The following ARHGDIA variants were observed in gnomAD, a reference collection of about 807,000 sequenced individuals.
ARHGDIA encodes the protein rho GDP-dissociation inhibitor 1.
In ARHGDIA, 9 loss-of-function variants were observed where a neutral mutation model predicts 25.0. That is an observed-to-expected ratio of 0.36 (90% CI 0.22 to 0.63). The LOEUF (loss-of-function observed/expected upper bound fraction) is 0.63. Ranked by LOEUF, ARHGDIA falls within the 20% of genes least tolerant of loss-of-function variation. The pLI, the probability that ARHGDIA is intolerant of heterozygous loss-of-function variation, is 0.69. For synonymous variants in ARHGDIA, 166 were observed against 111.5 expected (o/e 1.49, Z -3.08); for missense variants, 239 against 264.3 (o/e 0.90, Z 0.66).
rs756887960 is a variant in ARHGDIA, at chr17:81,868,912, C to G, written c.579G>C (p.Glu193Asp). Reference protein sequence around the residue: ...DDDKTDHLSWEWNLTIKKDWK... With the variant: ...DDDKTDHLSWDWNLTIKKDWK... ...AGTCCTTCTTGATGGTGAGATTCCA[C>G]TCCCAGGACAGGTGGTCGGTCTTGT... Residue 193 changes from glutamate to aspartate, a missense_variant, in exon 6 of 6, where the codon GAG (glutamate) becomes GAC (aspartate). Physicochemically the swap from Glu to Asp is conservative, Grantham distance 45. Transcript: ENST00000269321. 4.6e-5 allele frequency: 74 copies of G among 1,613,768 alleles called. No individual in the cohort carries two copies. Among genetic ancestry groups the G allele is most frequent in the Non-Finnish European group, 1.4e-5 (16 of 1,179,946 alleles).
At chr17:81,870,416 G>T (rs34829162) in intron 1 of ARHGDIA, among the ~76,000 whole-genome samples, 29,336 of 152,164 alleles carry the variant, frequency 0.19, 2,987 homozygotes, top group African/African-American at 0.23. Flanking sequence ...GTGTGTGGTC[G>T]GCTCAGCGTC....
intron 1 of ARHGDIA, chr17:81,870,751 C>T (rs1891096801): frequency 6.6e-6 from 1 of 152,210 alleles, no homozygotes; most frequent in Non-Finnish European, 1.5e-5. Flanking sequence ...CCTCCAGGGG[C>T]TGGGGCCTCC....
Position 81,868,834 on chromosome 17 carries a change from G to A in ARHGDIA, c.*42C>T, listed in dbSNP as rs567655758. The A allele has an allele frequency of 1.1e-5, 18 of 1,612,086 alleles. 1 individual carries two copies. The highest frequency in any genetic ancestry group is 3.3e-5 in the South Asian group (3 of 90,562). On this transcript the variant is annotated 3_prime_UTR_variant, in exon 6 of 6. Transcript: ENST00000269321. ...CTGGGGGGGACACATCCGCCTGTCC[G>A]TCGTCCGTCCGTCAGTCTGCCCTGC...
rs1055384334 is a variant in ARHGDIA at position 81,869,175 on chromosome 17, T to C, written c.413A>G (p.Lys138Arg). The change falls in exon 5 of 6, where the codon AAG becomes AGG. Residue 138 changes from lysine (K) to arginine (R), a missense_variant and splice_region_variant. Physicochemically the swap from Lys to Arg is conservative, Grantham distance 26. This residue lies in a region of ARHGDIA where 75 missense variants were observed against 122.4 expected (regional missense o/e 0.61). Transcript: ENST00000269321. ...YIQHTYRKGV[K>R]IDKTDYMVGS... is the part of the protein sequence containing the mutation. ...GCCCTGCCCGGGGCCCCACTCACTC[T>C]TGACGCCTTTCCTGTACGTATGCTG... 6.8e-6 allele frequency: 11 copies of C among 1,613,730 alleles called. No individual in the cohort carries two copies. The highest frequency in any genetic ancestry group is 5.3e-5 in the African/African-American group (4 of 74,938).
Position 81,869,587 on chromosome 17 carries a change from G to A in ARHGDIA, c.229C>T (p.Leu77=), listed in dbSNP as rs1004492781. 3 of 1,532,050 alleles carry A rather than the reference G, an allele frequency of 2.0e-6. No homozygotes were observed. Among genetic ancestry groups the A allele is most frequent in the African/African-American group, 2.8e-5 (2 of 72,546 alleles). 94.9% of individuals were successfully genotyped at this position (1,532,050 alleles called of 1,614,324 possible). Reference sequence around the variant, plus strand: ...GGGCCCGGGGCCGAGCTGCACACCAGGGTCAGGCCAGTCACCACGACGTTG... The same window carrying A: ...GGGCCCGGGGCCGAGCTGCACACCAAGGTCAGGCCAGTCACCACGACGTTG... The part of the protein sequence containing the change: ...VPNVVVTGLT[L]VCSSAPGPLE... The change falls in exon 3 of 6, where the codon CTG becomes TTG. Residue 77 remains leucine (L), a synonymous_variant. Transcript: ENST00000269321.
Position 81,869,156 on chromosome 17 carries a change from C to A in ARHGDIA, c.415+17G>T, listed in dbSNP as rs544853396. 15 of 1,613,812 alleles carry A rather than the reference C, an allele frequency of 9.3e-6. No individual in the cohort carries two copies. In the South Asian group the frequency reaches 9.9e-5, roughly 11 times the overall value. On this transcript the variant is annotated intron_variant, in intron 5 of 5. Transcript: ENST00000269321. ...CACCCAAGCGGCCCCCTCTGCCCTG[C>A]CCGGGGCCCCACTCACTCTTGACGC...
In ARHGDIA at chr17:81,868,548, C is replaced by T. The variant is rs758009792; in HGVS notation, c.*328G>A. 6.5e-7 allele frequency: 1 copy of T among 1,534,444 alleles called. No individual in the cohort carries two copies. The highest frequency in any genetic ancestry group is 1.2e-5 in the South Asian group (1 of 83,930). ...TGGAGAATGGCTGCTCCGCTCCCTC[C>T]TGAAGCCAGGCCTCGGGTGTGACGG... On this transcript the variant is annotated 3_prime_UTR_variant, in exon 6 of 6. Coordinates refer to ENST00000269321, the MANE Select transcript of ARHGDIA (RefSeq NM_004309.6).
Position 81,869,942 on chromosome 17 carries a change from G to C in ARHGDIA, c.-12C>G, listed in dbSNP as rs773292064. 1 of 1,611,936 alleles carries C rather than the reference G, an allele frequency of 6.2e-7. No individual in the cohort carries two copies. The highest frequency in any genetic ancestry group is 8.5e-7 in the Non-Finnish European group (1 of 1,179,936). On this transcript the variant is annotated 5_prime_UTR_variant, in exon 2 of 6. Coordinates refer to ENST00000269321, the MANE Select transcript of ARHGDIA (RefSeq NM_004309.6). ...TCCTGCTCAGCCATGCTCAAGCTTA[G>C]CCTGGGTCGGGACACCTGTGGGCGG... is the stretch of plus-strand genomic sequence containing the variant.
Position 81,869,823 on chromosome 17 carries a change from C to T in ARHGDIA, c.108G>A (p.Gln36=). The T allele has an allele frequency of 6.2e-7, 1 of 1,614,160 alleles. No homozygotes were observed. Among genetic ancestry groups the T allele is most frequent in the Non-Finnish European group, 8.5e-7 (1 of 1,180,022 alleles). Residue 36 remains glutamine (Q), a synonymous_variant, in exon 2 of 6, where the codon CAG becomes CAA. Coordinates refer to ENST00000269321, the MANE Select transcript of ARHGDIA (RefSeq NM_004309.6). ...CGTCCTTGTCCAGCTCCTGGATCTC[C>T]TGGATGCTCTTCTGGGCCGGGGGCT... ...NYKPPAQKSI[Q]EIQELDKDDE... is the part of the protein sequence containing the mutation.
In ARHGDIA at chr17:81,869,425, C is replaced by T; in HGVS notation, c.275-19G>A. The T allele has an allele frequency of 6.2e-7, 1 of 1,613,112 alleles. No individual in the cohort carries two copies. Among genetic ancestry groups the T allele is most frequent in the East Asian group, 2.2e-5 (1 of 44,874 alleles). ...AGGTCGCCTGTTGGGGGGACCTCCC[C>T]CTCAATGACTGCCCAGCAGCCCTGC... On this transcript the variant is annotated intron_variant, in intron 3 of 5. Coordinates refer to ENST00000269321, the MANE Select transcript of ARHGDIA (RefSeq NM_004309.6).
chr17:81,869,709 G>A (rs2099851232), intron 2 of ARHGDIA, 32 bp downstream of exon 2: 1 of 1,594,838 alleles, frequency 6.3e-7, no homozygotes. Context: ...GAGTGAACGG[G>A]CGGCCACCCG....
rs762316087 is a variant in ARHGDIA, at chr17:81,868,135, CTT to C, written c.*739_*740del. ...AGCCTCCTGGATGGTACTGAGGTGA[CTT>C]GAGTTTTGGCAATTTGGCTTTCCCC... On this transcript the variant is annotated 3_prime_UTR_variant, in exon 6 of 6. Transcript: ENST00000269321. 113 of 484,016 alleles carry C rather than the reference CTT, an allele frequency of 2.3e-4. No individual in the cohort carries two copies. The highest frequency in any genetic ancestry group is 3.8e-4 in the Non-Finnish European group (104 of 275,338). The allele number at this position is 484,016 out of a possible 1,614,324, so 30.0% of individuals were successfully genotyped here. A position where few individuals can be genotyped will look rare whatever the true frequency, so the allele number is the denominator to read the frequency against.
Position 81,868,052 on chromosome 17 carries a change from G to GGT in ARHGDIA, c.*822_*823dup. ...GCTGTCCATCGAGGGCTCTTGGGGG[G>GGT]GTGTGGGCTCTGGGCACTGCCCGCT... is the stretch of plus-strand genomic sequence containing the variant. On this transcript the variant is annotated 3_prime_UTR_variant, in exon 6 of 6. Coordinates refer to ENST00000269321, the MANE Select transcript of ARHGDIA (RefSeq NM_004309.6). The GGT allele has an allele frequency of 7.3e-6, 2 of 275,136 alleles. No individual in the cohort carries two copies. Among genetic ancestry groups the GGT allele is most frequent in the East Asian group, 1.2e-4 (2 of 16,488 alleles). The allele number at this position is 275,136 out of a possible 1,614,324, so 17.0% of individuals were successfully genotyped here.
chr17:81,868,545 C>T lies in ARHGDIA; in HGVS notation c.*331G>A, dbSNP rs957928529. 23 of 1,534,206 alleles carry T rather than the reference C, an allele frequency of 1.5e-5. No homozygotes were observed. In the African/African-American group the frequency reaches 2.5e-4, roughly 16 times the overall value. Reference sequence around the variant, plus strand: ...GCCTGGAGAATGGCTGCTCCGCTCCCTCCTGAAGCCAGGCCTCGGGTGTGA... The same window carrying T: ...GCCTGGAGAATGGCTGCTCCGCTCCTTCCTGAAGCCAGGCCTCGGGTGTGA... On this transcript the variant is annotated 3_prime_UTR_variant, in exon 6 of 6. Coordinates refer to ENST00000269321, the MANE Select transcript of ARHGDIA (RefSeq NM_004309.6).
In ARHGDIA at chr17:81,868,890, C is replaced by A. The variant is rs2039162664; in HGVS notation, c.601G>T (p.Asp201Tyr). 1 of 1,613,742 alleles carries A rather than the reference C, an allele frequency of 6.2e-7. No homozygotes were observed. Among genetic ancestry groups the A allele is most frequent in the Non-Finnish European group, 8.5e-7 (1 of 1,179,978 alleles). ...TCTGGCTGGGCTCAGTCCTTCCAGTCCTTCTTGATGGTGAGATTCCACTCC... is the reference window on the plus strand; with the variant it reads ...TCTGGCTGGGCTCAGTCCTTCCAGTACTTCTTGATGGTGAGATTCCACTCC... ...SWEWNLTIKK[D>Y]WKD Residue 201 changes from aspartate (D) to tyrosine (Y), a missense_variant, in exon 6 of 6, where the codon GAC (aspartate) becomes TAC (tyrosine). Physicochemically the swap from Asp to Tyr is radical, Grantham distance 160. Transcript: ENST00000269321.
rs1410436230 is a variant in ARHGDIA at position 81,868,614 on chromosome 17, C to T, written c.*262G>A. 1.3e-6 allele frequency: 2 copies of T among 1,535,404 alleles called. No individual in the cohort carries two copies. Among genetic ancestry groups the T allele is most frequent in the Admixed American group, 2.0e-5 (1 of 50,972 alleles). ...GGGGCACAGAAAGGGCAGCAGAGGCCTGGCTGCGGCCTCTCTCCCCCACAG... is the reference window on the plus strand; with the variant it reads ...GGGGCACAGAAAGGGCAGCAGAGGCTTGGCTGCGGCCTCTCTCCCCCACAG... On this transcript the variant is annotated 3_prime_UTR_variant, in exon 6 of 6. Transcript: ENST00000269321.
rs775598375 is a variant in ARHGDIA, at chr17:81,868,456, G to T, written c.*420C>A. On this transcript the variant is annotated 3_prime_UTR_variant, in exon 6 of 6. Coordinates refer to ENST00000269321, the MANE Select transcript of ARHGDIA (RefSeq NM_004309.6). The stretch of plus-strand genomic sequence containing the variant: ...AGGACGGCCCGGCCCCCACGAGGCC[G>T]TGCATCCCACACCCCAGCTCCACCC... The T allele has an allele frequency of 6.7e-7, 1 of 1,499,922 alleles. No individual in the cohort carries two copies. Among genetic ancestry groups the T allele is most frequent in the Non-Finnish European group, 8.9e-7 (1 of 1,127,318 alleles). The allele number at this position is 1,499,922 out of a possible 1,614,324, so 92.9% of individuals were successfully genotyped here. A position where few individuals can be genotyped will look rare whatever the true frequency, so the allele number is the denominator to read the frequency against.
Position 81,868,877 on chromosome 17 carries a change from C to G in ARHGDIA, c.614G>C (p.Ter205SerextTer10). 1 of 1,613,618 alleles carries G rather than the reference C, an allele frequency of 6.2e-7. No homozygotes were observed. Among genetic ancestry groups the G allele is most frequent in the Non-Finnish European group, 8.5e-7 (1 of 1,179,972 alleles). Residue 205 changes from the stop codon to serine, a stop_lost, in exon 6 of 6, where the codon TGA (stop) becomes TCA (serine). Transcript: ENST00000269321. Reference sequence around the variant, plus strand: ...TGCCCTGCCCGCCTCTGGCTGGGCTCAGTCCTTCCAGTCCTTCTTGATGGT... The same window carrying G: ...TGCCCTGCCCGCCTCTGGCTGGGCTGAGTCCTTCCAGTCCTTCTTGATGGT... Reference protein sequence around the residue: ...NLTIKKDWKD* With the variant: ...NLTIKKDWKDS
rs11546990 is a variant in ARHGDIA at position 81,868,015 on chromosome 17, G to C, written c.*861C>G. On this transcript the variant is annotated 3_prime_UTR_variant, in exon 6 of 6. Coordinates refer to ENST00000269321, the MANE Select transcript of ARHGDIA (RefSeq NM_004309.6). ...GCGGGGCTCCTGGCTGGGCCCAGGT[G>C]GGGTGAGTGAGGCTGTCCATCGAGG... 1 of 217,844 alleles carries C rather than the reference G, an allele frequency of 4.6e-6. No individual in the cohort carries two copies. The highest frequency in any genetic ancestry group is 9.2e-5 in the East Asian group (1 of 10,894). The allele number at this position is 217,844 out of a possible 1,614,324, so 13.5% of individuals were successfully genotyped here.
Sources: allele counts gnomAD v4.1 joint callset (sites outside exome capture counted in the v4.1 genomes callset), GRCh38; gene constraint gnomAD v4.1.1; regional missense constraint gnomAD v4.1.1; transcripts MANE v1.5; gene names NCBI Gene and HGNC (gene_info 2026-07-23, HGNC 2026-07-21).